Variants in FOXN3 observed in about 807,000 individuals in gnomAD.
FOXN3 encodes forkhead box N3.
Under a neutral mutation model 38.4 loss-of-function variants are expected in FOXN3, and 7 were observed. That is an observed-to-expected ratio of 0.18 (90% CI 0.10 to 0.34). FOXN3 has a LOEUF of 0.34. Ranked by LOEUF, FOXN3 falls within the 10% of genes least tolerant of loss-of-function variation. The probability of loss-of-function intolerance (pLI) is 1.00; values close to 1 mark genes in which losing one functional copy is unlikely to be tolerated. For synonymous variants in FOXN3, 230 were observed against 242.2 expected, an observed-to-expected ratio of 0.95 and a Z score of 0.47; for missense variants, 456 against 613.4, an observed-to-expected ratio of 0.74 and a Z score of 2.71.
chr14:89,240,742 G>A (rs143662563), intron 4 of FOXN3, among the ~76,000 whole-genome samples: 48 of 152,302 alleles, frequency 3.2e-4, no homozygotes, highest in African/African-American at 8.2e-4. Flanking sequence ...AGAGAATGCC[G>A]TACTTTTCAC....
chr14:89,313,556 T>A (rs35591207), intron 3 of FOXN3, among the ~76,000 whole-genome samples: 2,190 of 146,094 alleles, frequency 0.015, 41 homozygotes, highest in African/African-American at 0.038. Context: ...GATGCTGTCT[T>A]AAAAAAAAAA....
chr14:89,375,256 C>T (rs1890443747), intron 2 of FOXN3, among the ~76,000 whole-genome samples: 1 of 152,146 alleles, frequency 6.6e-6, no homozygotes, highest in Non-Finnish European at 1.5e-5. Flanking sequence ...TCCCTCTGTT[C>T]ATCGTCAAGT....
At chr14:89,562,018 T>C (rs1416561203) in intron 1 of FOXN3, among the ~76,000 whole-genome samples, 2 of 152,200 alleles carry the variant, frequency 1.3e-5, no homozygotes, top group Non-Finnish European at 2.9e-5. Flanking sequence ...TCTATCTTTA[T>C]ACCCACAGAG....
At chr14:89,271,379 T>C (rs1165746948) in intron 4 of FOXN3, among the ~76,000 whole-genome samples, 1 of 152,234 alleles carries the variant, frequency 6.6e-6, no homozygotes, top group Non-Finnish European at 1.5e-5. Context: ...TAAAAGCAGG[T>C]TCTGCAGTGC....
rs116368641 is a variant in FOXN3, at chr14:89,328,296, C to T, written c.680+22376G>A. ...CTAGATGAATGGGCGAAGAGACATTCCCACCAGCAGCCCTGGATGAATGGG... is the reference window on the plus strand; with the variant it reads ...CTAGATGAATGGGCGAAGAGACATTTCCACCAGCAGCCCTGGATGAATGGG... On this transcript the variant is annotated intron_variant, in intron 3 of 5. Transcript: ENST00000557258. Among the ~76,000 whole-genome samples, 560 of 152,284 alleles carry T rather than the reference C, an allele frequency of 3.7e-3. 2 individuals are homozygous for T. The highest frequency in any genetic ancestry group is 0.013 in the African/African-American group (550 of 41,552).
chr14:89,252,966 T>C (rs1885505804), intron 4 of FOXN3, among the ~76,000 whole-genome samples: 1 of 152,092 alleles, frequency 6.6e-6, no homozygotes, highest in African/African-American at 2.4e-5. Flanking sequence ...GCAGTCACTT[T>C]AGAGAAAGGA....
At chr14:89,565,970 C>A (rs1201223323) in intron 1 of FOXN3, among the ~76,000 whole-genome samples, 1 of 152,208 alleles carries the variant, frequency 6.6e-6, no homozygotes, top group Non-Finnish European at 1.5e-5. Context: ...AAATATAAAA[C>A]CTGCTGTGTA....
At chr14:89,228,734 G>T (rs1450127011) in intron 4 of FOXN3, among the ~76,000 whole-genome samples, 1 of 152,194 alleles carries the variant, frequency 6.6e-6, no homozygotes, top group Non-Finnish European at 1.5e-5. Flanking sequence ...TTCATTTCCT[G>T]ACAGAGGACT....
intron 4 of FOXN3, among the ~76,000 whole-genome samples, chr14:89,221,472 C>T (rs1213469692): frequency 1.3e-5 from 2 of 152,202 alleles, no homozygotes; most frequent in Admixed American, 1.3e-4. Context: ...CCTTTGGTTA[C>T]AGTCAGATTT....
intron 1 of FOXN3, among the ~76,000 whole-genome samples, chr14:89,540,869 A>G (rs1193183388): frequency 1.3e-5 from 2 of 152,218 alleles, no homozygotes; most frequent in African/African-American, 2.4e-5. Context: ...TAAGTGACTC[A>G]GATCGGGTCT....
At chr14:89,282,345 T>C (rs1886489732) in intron 3 of FOXN3, among the ~76,000 whole-genome samples, 1 of 152,172 alleles carries the variant, frequency 6.6e-6, no homozygotes, top group Admixed American at 6.5e-5. Flanking sequence ...GCCATGGTAT[T>C]TCCCACAGCC....
chr14:89,555,897 G>T (rs1895114094), intron 1 of FOXN3, among the ~76,000 whole-genome samples: 1 of 142,680 alleles, frequency 7.0e-6, no homozygotes, highest in Non-Finnish European at 1.6e-5. Context: ...GTATGTGGGG[G>T]TGTGTGTGTT....
chr14:89,240,392 A>G (rs1885104530), intron 4 of FOXN3, among the ~76,000 whole-genome samples: 1 of 152,258 alleles, frequency 6.6e-6, no homozygotes, highest in Non-Finnish European at 1.5e-5. Flanking sequence ...ACTTTTAACC[A>G]ATAGTGAAGA....
At chr14:89,380,032 G>C (rs1859803152) in intron 2 of FOXN3, among the ~76,000 whole-genome samples, 1 of 152,136 alleles carries the variant, frequency 6.6e-6, no homozygotes, top group South Asian at 2.1e-4. Flanking sequence ...AGATGACTAA[G>C]GTCTGTTCCT....
intron 1 of FOXN3, among the ~76,000 whole-genome samples, chr14:89,525,431 T>C (rs1483901159): frequency 6.6e-6 from 1 of 152,176 alleles, no homozygotes; most frequent in Non-Finnish European, 1.5e-5. Context: ...TTACCCTATA[T>C]GGTCTAGAAA....
chr14:89,439,719 G>C (rs1241569579), intron 1 of FOXN3, among the ~76,000 whole-genome samples: 2 of 147,476 alleles, frequency 1.4e-5, no homozygotes, highest in South Asian at 2.1e-4. Context: ...GCAGTGGTGT[G>C]ATCTCTGCTC....
At chr14:89,242,712 G>A (rs1482876217) in intron 4 of FOXN3, among the ~76,000 whole-genome samples, 2 of 152,114 alleles carry the variant, frequency 1.3e-5, no homozygotes, top group Non-Finnish European at 2.9e-5. Context: ...AAAGGCAAAG[G>A]AGAAAAGTAG....
At chr14:89,278,338 G>T (rs1245975478) in intron 4 of FOXN3, among the ~76,000 whole-genome samples, 2 of 152,090 alleles carry the variant, frequency 1.3e-5, no homozygotes, top group South Asian at 2.1e-4. Context: ...ATGATTCAAT[G>T]ATCTCCCACA....
intron 4 of FOXN3, among the ~76,000 whole-genome samples, chr14:89,239,723 A>G (rs187551631): frequency 6.6e-6 from 1 of 152,236 alleles, no homozygotes; most frequent in Non-Finnish European, 1.5e-5. Flanking sequence ...GATGATAATA[A>G]CAGTCATATC....
Sources: gnomAD v4.1 joint callset for allele counts (sites outside exome capture counted in the v4.1 genomes callset) on GRCh38, gnomAD v4.1.1 for gene constraint, MANE v1.5 for transcripts, NCBI Gene and HGNC (gene_info 2026-07-23, HGNC 2026-07-21) for gene names.